RGS6: variants seen among roughly 807,000 people sequenced by gnomAD.
RGS6 encodes regulator of G protein signaling 6, also known as regulator of G-protein signaling 6.
Under a neutral mutation model 78.5 loss-of-function variants are expected in RGS6, and 30 were observed. That is an observed-to-expected ratio of 0.38 (90% CI 0.29 to 0.52). The LOEUF (loss-of-function observed/expected upper bound fraction) is 0.52, where lower values mean the gene tolerates loss of function less well. RGS6 is among the 20% of genes least tolerant of loss of function. The pLI is 0.85. For missense variants in RGS6, 495 were observed against 609.7 expected (o/e 0.81, Z 1.98); for synonymous variants, 206 against 206.0 (o/e 1.00, Z 0.00).
chr14:71,993,688 T>C (rs2095067193), intron 2 of RGS6, among the ~76,000 whole-genome samples: 1 of 152,176 alleles, frequency 6.6e-6, no homozygotes, highest in Non-Finnish European at 1.5e-5. Context: ...TTAGGGTATA[T>C]ACTGAATTCA....
intron 2 of RGS6, among the ~76,000 whole-genome samples, chr14:72,332,142 TG>T (rs1380395125): frequency 6.6e-6 from 1 of 152,190 alleles, no homozygotes; most frequent in East Asian, 1.9e-4. Flanking sequence ...TCCTCTTGGC[TG>T]GGGAAACCGT....
intron 2 of RGS6, among the ~76,000 whole-genome samples, chr14:71,975,874 G>C (rs1365000811): frequency 1.3e-5 from 2 of 152,050 alleles, no homozygotes; most frequent in African/African-American, 4.8e-5. Flanking sequence ...GATTTCATGT[G>C]TTTCTTATGC....
chr14:72,476,884 A>G (rs765327915), intron 11 of RGS6, 44 bp downstream of exon 11: 2 of 1,544,552 alleles, frequency 1.3e-6, no homozygotes, highest in Non-Finnish European at 1.8e-6. Context: ...AGACGTGGCC[A>G]GTTTAAAAAC....
intron 3 of RGS6, among the ~76,000 whole-genome samples, chr14:72,413,978 C>T (rs1410278384): frequency 6.6e-6 from 1 of 152,170 alleles, no homozygotes; most frequent in Admixed American, 6.5e-5. Flanking sequence ...GTAACCCGAC[C>T]TTTCTCTCTG....
intron 2 of RGS6, among the ~76,000 whole-genome samples, chr14:72,011,440 T>G (rs2085689933): frequency 6.6e-6 from 1 of 152,190 alleles, no homozygotes; most frequent in African/African-American, 2.4e-5. Flanking sequence ...CTTGCTTTCC[T>G]GCCTCCATTT....
At chr14:72,432,092 C>T (rs1176650933) in intron 3 of RGS6, among the ~76,000 whole-genome samples, 2 of 152,202 alleles carry the variant, frequency 1.3e-5, no homozygotes, top group Non-Finnish European at 2.9e-5. Context: ...CTACCTTGCC[C>T]ATCTCTGGGT....
At chr14:72,460,460 T>C (rs2095749218) in intron 6 of RGS6, among the ~76,000 whole-genome samples, 2 of 152,242 alleles carry the variant, frequency 1.3e-5, no homozygotes, top group Admixed American at 1.3e-4. Context: ...ATAGCCTATG[T>C]CTGAGGCAGA....
intron 2 of RGS6, among the ~76,000 whole-genome samples, chr14:72,221,550 A>G (rs918237027): frequency 3.3e-5 from 5 of 152,210 alleles, no homozygotes; most frequent in Non-Finnish European, 5.9e-5. Flanking sequence ...AAGAATTGCT[A>G]GGACTTCCAA....
At chr14:72,034,580 G>A (rs1464832019) in intron 2 of RGS6, among the ~76,000 whole-genome samples, 4 of 152,180 alleles carry the variant, frequency 2.6e-5, no homozygotes, top group Middle Eastern at 6.8e-3. Context: ...CTAGTATTTT[G>A]TTACGAATGT....
In RGS6 at chr14:72,524,730, C is replaced by CT. The variant is rs142824656; in HGVS notation, c.1278+6202dup. ...CATGAGAAATAGGAGGCCCAGATGG[C>CT]TTTTTTTTTGCCATCAGGCAGAGCT... On this transcript the variant is annotated intron_variant, in intron 15 of 17. Coordinates refer to ENST00000553525, the MANE Select transcript of RGS6 (RefSeq NM_001204424.2). Among the ~76,000 whole-genome samples, 198 of 151,514 alleles carry CT rather than the reference C, an allele frequency of 1.3e-3. No homozygotes were observed. In the South Asian group the frequency reaches 0.019, roughly 14 times the overall value.
intron 2 of RGS6, among the ~76,000 whole-genome samples, chr14:72,166,426 T>G (rs1320124704): frequency 6.6e-6 from 1 of 152,222 alleles, no homozygotes; most frequent in East Asian, 1.9e-4. Flanking sequence ...AAATTAATGC[T>G]GAATACAGAC....
chr14:72,518,860 G>C (rs1055881275), intron 15 of RGS6, among the ~76,000 whole-genome samples: 1 of 152,214 alleles, frequency 6.6e-6, no homozygotes, highest in Non-Finnish European at 1.5e-5. Flanking sequence ...CAGCATTGGG[G>C]AAGTGGGTGT....
chr14:72,237,429 C>T (rs1204190951), intron 2 of RGS6, among the ~76,000 whole-genome samples: 1 of 152,070 alleles, frequency 6.6e-6, no homozygotes, highest in Admixed American at 6.5e-5. Flanking sequence ...TATATATTGC[C>T]CTGGCACAAA....
intron 2 of RGS6, among the ~76,000 whole-genome samples, chr14:72,345,288 A>G (rs1397817069): frequency 6.6e-6 from 1 of 152,194 alleles, no homozygotes; most frequent in Admixed American, 6.5e-5. Flanking sequence ...CACCACACAC[A>G]TATGGACTGC....
upstream of RGS6, among the ~76,000 whole-genome samples, chr14:71,930,317 ACTT>A (rs147346124): frequency 1.6e-3 from 242 of 151,202 alleles, no homozygotes; most frequent in African/African-American, 5.8e-3. Context: ...TAATGTATTT[ACTT>A]CTTTGCTCAA....
intron 2 of RGS6, among the ~76,000 whole-genome samples, chr14:72,055,179 G>A (rs761768861): frequency 3.3e-5 from 5 of 152,286 alleles, no homozygotes; most frequent in Non-Finnish European, 5.9e-5. Flanking sequence ...TGTGGTGTAT[G>A]AAATCATTCA....
chr14:72,439,037 T>C (rs1320346030), intron 3 of RGS6, among the ~76,000 whole-genome samples: 2 of 152,212 alleles, frequency 1.3e-5, no homozygotes, highest in African/African-American at 2.4e-5. Context: ...ACCATCTCCT[T>C]CTTGTTCCTG....
chr14:71,927,266 T>A, the RGS6 span, among the ~76,000 whole-genome samples: 3 of 152,266 alleles, frequency 2.0e-5, no homozygotes, highest in Non-Finnish European at 4.4e-5. Context: ...TTATTAAGCA[T>A]GGGACTTTGT....
chr14:72,101,990 C>G (rs2095538092), intron 2 of RGS6, among the ~76,000 whole-genome samples: 1 of 152,156 alleles, frequency 6.6e-6, no homozygotes, highest in East Asian at 1.9e-4. Context: ...AGGTTGAAGA[C>G]AAGAGCAGCC....
Sources: allele counts gnomAD v4.1 joint callset (sites outside exome capture counted in the v4.1 genomes callset), GRCh38; gene constraint gnomAD v4.1.1; transcripts MANE v1.5; gene names NCBI Gene and HGNC (gene_info 2026-07-23, HGNC 2026-07-21).